Variants in MAML2 observed in about 807,000 individuals in gnomAD.
MAML2 encodes the protein mastermind-like protein 2.
Under a neutral mutation model 96.1 loss-of-function variants are expected in MAML2, and 22 were observed. That is an observed-to-expected ratio of 0.23 (90% CI 0.16 to 0.33). The LOEUF is 0.33. Ranked by LOEUF, MAML2 falls within the 10% of genes least tolerant of loss-of-function variation. The probability of loss-of-function intolerance (pLI) is 1.00; values close to 1 mark genes in which losing one functional copy is unlikely to be tolerated. For synonymous variants in MAML2, 561 were observed against 521.3 expected (o/e 1.08, Z -1.04); for missense variants, 1,367 against 1,392.4 (o/e 0.98, Z 0.29).
chr11:96,034,646 C>A (rs1042158956), intron 2 of MAML2, among the ~76,000 whole-genome samples: 3 of 151,902 alleles, frequency 2.0e-5, no homozygotes, highest in African/African-American at 7.3e-5. Context: ...CCCAGAATAC[C>A]AAAATTATTT....
intron 2 of MAML2, among the ~76,000 whole-genome samples, chr11:96,028,738 T>C (rs1004445565): frequency 6.6e-6 from 1 of 152,238 alleles, no homozygotes; most frequent in East Asian, 1.9e-4. Context: ...AAGAAAATTA[T>C]GTGTTCTGAA....
chr11:96,061,861 C>T lies in MAML2; in HGVS notation c.2139+30031G>A, dbSNP rs113166407. 8.8e-3 allele frequency among the ~76,000 whole-genome samples: 1,330 copies of T among 151,496 alleles called. 16 individuals are homozygous for T. The highest frequency in any genetic ancestry group is 0.036 in the South Asian group (174 of 4,804). On this transcript the variant is annotated intron_variant, in intron 2 of 4. Transcript: ENST00000524717. ...AAGTATCTTAAATTTATCCTGCTTA[C>T]TCTTAATACACCTCATAGATATACA...
At chr11:96,265,818 A>C (rs1862818169) in intron 1 of MAML2, among the ~76,000 whole-genome samples, 1 of 152,170 alleles carries the variant, frequency 6.6e-6, no homozygotes, top group Admixed American at 6.5e-5. Flanking sequence ...ACTTATGGGG[A>C]AAATCATCTC....
intron 4 of MAML2, 66 bp from the exon 5 acceptor site, chr11:95,980,029 T>G: frequency 8.1e-7 from 1 of 1,231,938 alleles, no homozygotes; most frequent in Non-Finnish European, 1.1e-6. Context: ...ACTGCACTTT[T>G]CAATAACTCA....
chr11:96,136,614 A>G (rs1253010782), intron 1 of MAML2, among the ~76,000 whole-genome samples: 1 of 152,212 alleles, frequency 6.6e-6, no homozygotes, highest in African/African-American at 2.4e-5. Flanking sequence ...TTCAGAGCTA[A>G]TAGCATACTT....
chr11:96,305,141 T>C (rs1863446546), intron 1 of MAML2, among the ~76,000 whole-genome samples: 1 of 152,192 alleles, frequency 6.6e-6, no homozygotes, highest in Non-Finnish European at 1.5e-5. Context: ...AAATTAAAGC[T>C]ATTACATTTT....
intron 1 of MAML2, among the ~76,000 whole-genome samples, chr11:96,157,602 C>T (rs1202221068): frequency 1.3e-5 from 2 of 152,208 alleles, no homozygotes; most frequent in Non-Finnish European, 2.9e-5. Flanking sequence ...ATAAGTATCT[C>T]TTATACAAAA....
At chr11:96,177,758 A>G (rs969096601) in intron 1 of MAML2, among the ~76,000 whole-genome samples, 1 of 152,186 alleles carries the variant, frequency 6.6e-6, no homozygotes, top group Non-Finnish European at 1.5e-5. Context: ...TCCATGAAAG[A>G]TAGGATAAGG....
At chr11:96,081,726 T>C (rs1318554287) in intron 2 of MAML2, among the ~76,000 whole-genome samples, 1 of 152,224 alleles carries the variant, frequency 6.6e-6, no homozygotes, top group Non-Finnish European at 1.5e-5. Context: ...GTGTTCGTTG[T>C]ATATCTCATG....
chr11:96,295,681 A>AACACAC (rs71745057), intron 1 of MAML2, among the ~76,000 whole-genome samples: 53 of 147,222 alleles, frequency 3.6e-4, no homozygotes, highest in Non-Finnish European at 5.7e-4. Flanking sequence ...CTGCTGCTGT[A>AACACAC]ACACACACAC....
intron 1 of MAML2, among the ~76,000 whole-genome samples, chr11:96,205,408 T>C (rs1861882149): frequency 6.6e-6 from 1 of 152,250 alleles, no homozygotes; most frequent in Admixed American, 6.5e-5. Flanking sequence ...ATTTAGCATC[T>C]AATGTCTAAC....
At chr11:96,189,212 T>C (rs1044564805) in intron 1 of MAML2, among the ~76,000 whole-genome samples, 1 of 152,224 alleles carries the variant, frequency 6.6e-6, no homozygotes, top group African/African-American at 2.4e-5. Flanking sequence ...TGGTAATGCA[T>C]ATAAAATGGA....
intron 1 of MAML2, among the ~76,000 whole-genome samples, chr11:96,214,331 T>A (rs1198612233): frequency 6.6e-6 from 1 of 152,220 alleles, no homozygotes; most frequent in Non-Finnish European, 1.5e-5. Context: ...TCTTAGCACG[T>A]CCTCTTAGAG....
chr11:96,156,265 C>A (rs1861009783), intron 1 of MAML2, among the ~76,000 whole-genome samples: 1 of 152,204 alleles, frequency 6.6e-6, no homozygotes, highest in Non-Finnish European at 1.5e-5. Flanking sequence ...TGGCCCTGTG[C>A]CCAGGCAGCC....
intron 1 of MAML2, among the ~76,000 whole-genome samples, chr11:96,197,297 A>C (rs1015219643): frequency 6.6e-6 from 1 of 152,196 alleles, no homozygotes; most frequent in African/African-American, 2.4e-5. Flanking sequence ...GACATAACTA[A>C]TTTTGAGTAA....
chr11:96,331,286 A>T (rs1288921667), intron 1 of MAML2, among the ~76,000 whole-genome samples: 1 of 152,120 alleles, frequency 6.6e-6, no homozygotes, highest in African/African-American at 2.4e-5. Flanking sequence ...ATAAACAAAA[A>T]AGACAATCTA....
chr11:96,162,668 G>A (rs1197763945), intron 1 of MAML2, among the ~76,000 whole-genome samples: 9 of 147,576 alleles, frequency 6.1e-5, no homozygotes, highest in South Asian at 2.1e-4. Context: ...CCGAGATTGC[G>A]CCCTTGCACT....
chr11:96,039,778 C>T (rs1006287958), intron 2 of MAML2, among the ~76,000 whole-genome samples: 1 of 151,986 alleles, frequency 6.6e-6, no homozygotes, highest in Non-Finnish European at 1.5e-5. Flanking sequence ...AACCCTAACA[C>T]GGTGAAACCC....
At chr11:96,066,973 T>C (rs1294890018) in intron 2 of MAML2, among the ~76,000 whole-genome samples, 4 of 152,022 alleles carry the variant, frequency 2.6e-5, no homozygotes, top group Admixed American at 2.6e-4. Context: ...CGGAGGGAGC[T>C]GTGGTAGGAG....
Sources: gnomAD v4.1 joint callset for allele counts (sites outside exome capture counted in the v4.1 genomes callset) on GRCh38, gnomAD v4.1.1 for gene constraint, MANE v1.5 for transcripts, NCBI Gene and HGNC (gene_info 2026-07-23, HGNC 2026-07-21) for gene names.